The following RABGEF1 variants were observed in gnomAD, a reference collection of about 807,000 sequenced individuals.
RABGEF1 encodes the protein RAB guanine nucleotide exchange factor 1.
RABGEF1 carries 26 observed loss-of-function variants against 57.3 expected under a neutral mutation model. The ratio of observed to expected loss-of-function variants is 0.45; its 90% CI spans 0.33 to 0.63. The LOEUF is 0.63. RABGEF1 is among the 20% of genes least tolerant of loss of function. The pLI, the probability that RABGEF1 is intolerant of heterozygous loss-of-function variation, is 0.02. For missense variants in RABGEF1, 464 were observed against 607.6 expected, an observed-to-expected ratio of 0.76 and a Z score of 2.48; for synonymous variants, 185 against 210.7, an observed-to-expected ratio of 0.88 and a Z score of 1.06.
intron 1 of RABGEF1, among the ~76,000 whole-genome samples, chr7:66,688,605 C>G (rs570578378): frequency 6.6e-6 from 1 of 152,112 alleles, no homozygotes; most frequent in Non-Finnish European, 1.5e-5. Context: ...CATCAGTAAC[C>G]AGCAAAACTC....
At chr7:66,675,604 A>G in the RABGEF1 span, among the ~76,000 whole-genome samples, 1 of 152,178 alleles carries the variant, frequency 6.6e-6, no homozygotes, top group Admixed American at 6.6e-5. Context: ...TCAGCAAGAC[A>G]AATTTAAAAG....
At chr7:66,695,612 G>A (rs1792208075) in intron 1 of RABGEF1, among the ~76,000 whole-genome samples, 1 of 151,860 alleles carries the variant, frequency 6.6e-6, no homozygotes, top group South Asian at 2.1e-4. Flanking sequence ...GAGAAAGTGA[G>A]GGATTAGAAG....
chr7:66,733,615 G>A lies in RABGEF1; in HGVS notation c.-814-6381G>A, dbSNP rs1046354411. Among the ~76,000 whole-genome samples, 27 of 151,864 alleles carry A rather than the reference G, an allele frequency of 1.8e-4. 1 individual carries two copies. Among genetic ancestry groups the A allele is most frequent in the Admixed American group, 6.6e-5 (1 of 15,238 alleles). On this transcript the variant is annotated intron_variant and NMD_transcript_variant, in intron 2 of 9. Transcript: ENST00000607882. ...CGGGAGGCTGAGGCAGAAGAATTGC[G>A]TGAACCCGGGAGGTGGAAGTTGCAG...
intron 1 of RABGEF1, among the ~76,000 whole-genome samples, chr7:66,706,941 C>G (rs1182702713): frequency 6.6e-6 from 1 of 151,596 alleles, no homozygotes; most frequent in Non-Finnish European, 1.5e-5. Context: ...ACGACCACGC[C>G]TGGCTAATTT....
At chr7:66,798,475 G>T (rs544120159) in intron 6 of RABGEF1, among the ~76,000 whole-genome samples, 86 of 152,324 alleles carry the variant, frequency 5.6e-4, no homozygotes, top group African/African-American at 2.0e-3. Context: ...AAGATGTGGA[G>T]CCCAAGGTCA....
intron 2 of RABGEF1, among the ~76,000 whole-genome samples, chr7:66,716,217 T>C (rs945754605): frequency 1.3e-5 from 2 of 152,244 alleles, no homozygotes; most frequent in African/African-American, 4.8e-5. Context: ...GTTTGTCTTA[T>C]GTAAATATAA....
chr7:66,709,399 A>G (rs1794521533), intron 1 of RABGEF1, among the ~76,000 whole-genome samples: 1 of 152,194 alleles, frequency 6.6e-6, no homozygotes, highest in African/African-American at 2.4e-5. Flanking sequence ...TTTCCTACCC[A>G]TTACAGTGTA....
chr7:66,713,642 G>A (rs1302650204), intron 2 of RABGEF1, among the ~76,000 whole-genome samples: 2 of 152,194 alleles, frequency 1.3e-5, no homozygotes, highest in African/African-American at 4.8e-5. Flanking sequence ...TATGACTTTA[G>A]CTCTGGATTT....
intron 2 of RABGEF1, among the ~76,000 whole-genome samples, chr7:66,718,136 A>C (rs1795610351): frequency 6.6e-6 from 1 of 152,090 alleles, no homozygotes; most frequent in Non-Finnish European, 1.5e-5. Context: ...TGAGGCCAGG[A>C]GTTCGAGACC....
At chr7:66,770,664 T>G (rs1364413819) in intron 1 of RABGEF1, among the ~76,000 whole-genome samples, 1 of 152,102 alleles carries the variant, frequency 6.6e-6, no homozygotes, top group Non-Finnish European at 1.5e-5. Flanking sequence ...TTGTGTTTTT[T>G]GTAGAGATGG....
At chr7:66,667,935 T>A in the RABGEF1 span, among the ~76,000 whole-genome samples, 1 of 151,984 alleles carries the variant, frequency 6.6e-6, no homozygotes, top group East Asian at 1.9e-4. Context: ...GTAGCTGGAA[T>A]TATAGGCACA....
intron 2 of RABGEF1, among the ~76,000 whole-genome samples, chr7:66,721,616 T>C (rs971845657): frequency 2.0e-5 from 3 of 152,148 alleles, no homozygotes; most frequent in African/African-American, 7.2e-5. Context: ...TCCCCCCTTA[T>C]GAGAAACTTT....
intron 1 of RABGEF1, among the ~76,000 whole-genome samples, chr7:66,707,519 C>G (rs1190513762): frequency 1.3e-5 from 2 of 152,096 alleles, no homozygotes; most frequent in Non-Finnish European, 2.9e-5. Flanking sequence ...GAAACCCTGT[C>G]TCTACTAAAA....
chr7:66,795,338 T>G (rs369874058), intron 4 of RABGEF1, among the ~76,000 whole-genome samples, 173 bp from the exon 5 acceptor site: 1 of 152,222 alleles, frequency 6.6e-6, no homozygotes, highest in African/African-American at 2.4e-5. Flanking sequence ...CAATGGATAT[T>G]GGAAATAATA....
upstream of RABGEF1, among the ~76,000 whole-genome samples, chr7:66,736,098 G>GA (rs1044321032): frequency 1.3e-5 from 2 of 152,006 alleles, no homozygotes; most frequent in Non-Finnish European, 2.9e-5. Flanking sequence ...GATGATGATG[G>GA]AAAAAAACAA....
At chr7:66,753,702 T>TTTTTTTTTTTG (rs1562788795) in intron 1 of RABGEF1, among the ~76,000 whole-genome samples, 2 of 49,550 alleles carry the variant, frequency 4.0e-5, no homozygotes, top group East Asian at 9.6e-4. Flanking sequence ...TTTGCCATCG[T>TTTTTTTTTTTG]TTTTTTTTTT....
At chr7:66,708,993 A>G (rs1217794932) in intron 1 of RABGEF1, among the ~76,000 whole-genome samples, 14 of 151,564 alleles carry the variant, frequency 9.2e-5, no homozygotes, top group Admixed American at 4.0e-4. Context: ...ATTCTGCATC[A>G]GTAGTATGAC....
At chr7:66,807,577 T>C (rs1788715829) in intron 8 of RABGEF1, among the ~76,000 whole-genome samples, 1 of 152,254 alleles carries the variant, frequency 6.6e-6, no homozygotes, top group African/African-American at 2.4e-5. Context: ...GTCACCTGTC[T>C]TGACCTTACA....
intron 1 of RABGEF1, among the ~76,000 whole-genome samples, chr7:66,685,153 CTTTTTT>C (rs545055892): frequency 9.9e-6 from 1 of 101,106 alleles, no homozygotes; most frequent in Non-Finnish European, 1.9e-5. Flanking sequence ...GGATTATTTG[CTTTTTT>C]TTTTTTTTTT....
Sources: allele counts gnomAD v4.1 joint callset (sites outside exome capture counted in the v4.1 genomes callset), GRCh38; gene constraint gnomAD v4.1.1; transcripts MANE v1.5; gene names NCBI Gene and HGNC (gene_info 2026-07-23, HGNC 2026-07-21).